The following MIPEP variants were observed in gnomAD, a reference collection of about 807,000 sequenced individuals.
The protein encoded by MIPEP is mitochondrial intermediate peptidase.
Under a neutral mutation model 90.3 loss-of-function variants are expected in MIPEP, and 79 were observed. That is an observed-to-expected ratio of 0.87 (90% confidence interval 0.73 to 1.05). MIPEP has a LOEUF of 1.05. Among genes scored for constraint, MIPEP ranks in the 50% least tolerant of loss-of-function variants. The pLI is 0.00. For missense variants in MIPEP, 940 were observed against 905.6 expected (o/e 1.04, Z -0.49); for synonymous variants, 334 against 315.8 (o/e 1.06, Z -0.61).
chr13:23,882,577 T>C (rs1871314655), intron 2 of MIPEP, among the ~76,000 whole-genome samples: 1 of 152,180 alleles, frequency 6.6e-6, no homozygotes, highest in Non-Finnish European at 1.5e-5. Context: ...AGTTCTTTTT[T>C]AAAAAGATAA....
chr13:23,809,301 G>A (rs980346610), intron 15 of MIPEP, among the ~76,000 whole-genome samples: 4 of 151,816 alleles, frequency 2.6e-5, no homozygotes, highest in Admixed American at 2.0e-4. Flanking sequence ...TAGAAGTTGT[G>A]TAAATTTTCT....
At chr13:23,742,304 T>C (rs1952339271) in intron 18 of MIPEP, among the ~76,000 whole-genome samples, 1 of 152,048 alleles carries the variant, frequency 6.6e-6, no homozygotes, top group Non-Finnish European at 1.5e-5. Flanking sequence ...CAATATATCC[T>C]GATGGTTAGA....
chr13:23,765,105 A>C (rs933022681), intron 16 of MIPEP, among the ~76,000 whole-genome samples: 3 of 150,816 alleles, frequency 2.0e-5, no homozygotes, highest in Non-Finnish European at 4.4e-5. Context: ...TGAAACCTGC[A>C]TCTATGGAGG....
At chr13:23,822,168 G>T (rs1010786311) in intron 14 of MIPEP, among the ~76,000 whole-genome samples, 3 of 152,140 alleles carry the variant, frequency 2.0e-5, no homozygotes, top group Non-Finnish European at 4.4e-5. Context: ...TAGAAATGTT[G>T]TTTCTACTAT....
At chr13:23,835,974 A>C (rs1471507162) in intron 14 of MIPEP, among the ~76,000 whole-genome samples, 1 of 152,166 alleles carries the variant, frequency 6.6e-6, no homozygotes, top group Non-Finnish European at 1.5e-5. Flanking sequence ...TGTCTTCCTT[A>C]TGGGGAGGTT....
Position 23,839,648 on chromosome 13 carries a change from C to T in MIPEP, c.1338+1G>A. ...AGACCAGTTTATAAAGAAAGGATCA[C>T]CTGATGTGGTTTGTCTGCTCGCTGA... is the stretch of plus-strand genomic sequence containing the variant. On this transcript the variant is annotated splice_donor_variant, in intron 12 of 18. Transcript: ENST00000382172. LOFTEE classifies it high-confidence loss of function. 1.9e-6 allele frequency: 3 copies of T among 1,609,624 alleles called. No individual in the cohort carries two copies. The highest frequency in any genetic ancestry group is 2.5e-6 in the Non-Finnish European group (3 of 1,177,124).
At chr13:23,795,462 C>T (rs1293159132) in intron 16 of MIPEP, among the ~76,000 whole-genome samples, 1 of 152,160 alleles carries the variant, frequency 6.6e-6, no homozygotes, top group Admixed American at 6.5e-5. Flanking sequence ...CCCATATGAT[C>T]ACGGTTACTT....
At chr13:23,804,013 T>C (rs1010995974) in intron 16 of MIPEP, among the ~76,000 whole-genome samples, 2 of 152,212 alleles carry the variant, frequency 1.3e-5, no homozygotes, top group African/African-American at 4.8e-5. Flanking sequence ...GATACATCTT[T>C]CTATTTTCTC....
At chr13:23,854,178 A>T (rs1214243261) in intron 10 of MIPEP, among the ~76,000 whole-genome samples, 3 of 123,820 alleles carry the variant, frequency 2.4e-5, no homozygotes, top group Non-Finnish European at 5.0e-5. Flanking sequence ...ACAAAAAATT[A>T]GCCAGGCTAA....
intron 16 of MIPEP, among the ~76,000 whole-genome samples, chr13:23,779,819 C>A (rs577935233): frequency 1.1e-3 from 167 of 152,346 alleles, no homozygotes; most frequent in African/African-American, 3.9e-3. Context: ...TATCCCGCGC[C>A]TGGCTCAGAG....
chr13:23,856,187 C>A (rs1870037963), intron 10 of MIPEP, among the ~76,000 whole-genome samples: 1 of 152,212 alleles, frequency 6.6e-6, no homozygotes. Context: ...CCAGGAGCTA[C>A]ACAAGGCTAG....
At chr13:23,789,491 C>T (rs528980655) in intron 16 of MIPEP, among the ~76,000 whole-genome samples, 8 of 152,230 alleles carry the variant, frequency 5.3e-5, no homozygotes, top group Non-Finnish European at 7.4e-5. Flanking sequence ...TAATTCTGCC[C>T]GGAACACCTT....
intron 10 of MIPEP, among the ~76,000 whole-genome samples, chr13:23,856,123 A>C (rs534104723): frequency 6.6e-6 from 1 of 152,362 alleles, no homozygotes; most frequent in Admixed American, 6.5e-5. Flanking sequence ...TTTAACATCC[A>C]GAACATCTTA....
chr13:23,856,226 G>T (rs192269884), intron 10 of MIPEP, among the ~76,000 whole-genome samples: 1 of 152,326 alleles, frequency 6.6e-6, no homozygotes, highest in East Asian at 1.9e-4. Context: ...ATGGACACCT[G>T]GCAAGATGTC....
intron 7 of MIPEP, among the ~76,000 whole-genome samples, chr13:23,868,973 A>G (rs549897495): frequency 1.3e-5 from 2 of 152,308 alleles, no homozygotes; most frequent in East Asian, 3.9e-4. Context: ...ATTCTCTTAC[A>G]CTAATTCTAA....
At chr13:23,832,152 T>A (rs1566010005) in intron 14 of MIPEP, among the ~76,000 whole-genome samples, 1 of 152,182 alleles carries the variant, frequency 6.6e-6, no homozygotes, top group Non-Finnish European at 1.5e-5. Context: ...CCATTGATTA[T>A]AATGGATTAA....
At chr13:23,779,626 A>T (rs1952757136) in intron 16 of MIPEP, among the ~76,000 whole-genome samples, 1 of 151,894 alleles carries the variant, frequency 6.6e-6, no homozygotes, top group African/African-American at 2.4e-5. Context: ...CAGTGGGTGC[A>T]GCCCACCGAG....
chr13:23,779,423 C>G (rs775878752), intron 16 of MIPEP, among the ~76,000 whole-genome samples: 1 of 152,012 alleles, frequency 6.6e-6, no homozygotes, highest in Non-Finnish European at 1.5e-5. Flanking sequence ...ACATCCCATT[C>G]ACAACAACAA....
At position 23,854,051 on chromosome 13, in the gene MIPEP, C is replaced by A. The variant is rs77722556; in HGVS notation, c.1106+4809G>T. Among the ~76,000 whole-genome samples, 331 of 151,828 alleles carry A rather than the reference C, an allele frequency of 2.2e-3. 2 individuals are homozygous for A. Among genetic ancestry groups the A allele is most frequent in the African/African-American group, 7.1e-3 (296 of 41,450 alleles). On this transcript the variant is annotated intron_variant, in intron 10 of 18. Transcript: ENST00000382172. ...AGAAAAATCTTGGTAATTGGCCAGG[C>A]GCGGTGGCTCACGCCTGTAATCCCA...
Sources: gnomAD v4.1 joint callset for allele counts (sites outside exome capture counted in the v4.1 genomes callset) on GRCh38, gnomAD v4.1.1 for gene constraint, MANE v1.5 for transcripts, NCBI Gene and HGNC (gene_info 2026-07-23, HGNC 2026-07-21) for gene names.